The following MYOM1 variants were observed in gnomAD, a reference collection of about 807,000 sequenced individuals.
MYOM1 encodes myomesin-1.
MYOM1 carries 164 observed loss-of-function variants against 205.3 expected under a neutral mutation model. The observed-to-expected ratio is 0.80, with a 90% CI of 0.70 to 0.91. The LOEUF (loss-of-function observed/expected upper bound fraction) is 0.91, where lower values mean the gene tolerates loss of function less well. MYOM1 is among the 40% of genes least tolerant of loss of function. The pLI, the probability that MYOM1 is intolerant of heterozygous loss-of-function variation, is 0.00. For synonymous variants in MYOM1, 772 were observed against 789.4 expected, an observed-to-expected ratio of 0.98 and a Z score of 0.37; for missense variants, 2,011 against 2,127.3, an observed-to-expected ratio of 0.95 and a Z score of 1.08.
rs117574023 is a variant in MYOM1, at chr18:3,109,994, C to T, written c.3418+2304G>A. Among the ~76,000 whole-genome samples the T allele has an allele frequency of 6.8e-4, 103 of 152,180 alleles. 1 individual carries two copies. In the East Asian group the frequency reaches 0.015, roughly 23 times the overall value. On this transcript the variant is annotated intron_variant, in intron 22 of 37. Coordinates refer to ENST00000356443, the MANE Select transcript of MYOM1 (RefSeq NM_003803.4). ...AAGTGTGGCTCAGGACTAAAATGAA[C>T]TATTTGGAAATTAACTCATTTCATC...
intron 12 of MYOM1, among the ~76,000 whole-genome samples, chr18:3,149,437 G>C (rs756546817): frequency 3.3e-5 from 5 of 152,196 alleles, no homozygotes; most frequent in African/African-American, 7.2e-5. Context: ...TGGCTGAGTA[G>C]ATGTTTCTGG....
At chr18:3,220,572 G>A (rs1380072314), upstream of MYOM1, among the ~76,000 whole-genome samples, 1 of 152,186 alleles carries the variant, frequency 6.6e-6, no homozygotes, top group East Asian at 1.9e-4. Context: ...TCAGAGTAGG[G>A]TCAGTCCATC....
intron 2 of MYOM1, among the ~76,000 whole-genome samples, chr18:3,198,184 A>G (rs1157041317): frequency 1.3e-5 from 2 of 152,238 alleles, no homozygotes; most frequent in African/African-American, 2.4e-5. Flanking sequence ...AGGATGAATA[A>G]ATGTATTCAT....
intron 14 of MYOM1, among the ~76,000 whole-genome samples, chr18:3,140,825 T>G (rs1311977490): frequency 6.6e-6 from 1 of 152,212 alleles, no homozygotes; most frequent in African/African-American, 2.4e-5. Flanking sequence ...ACGATTTTGC[T>G]ATGAAACTAA....
rs369999119 is a variant in MYOM1 at position 3,188,912 on chromosome 18, T to C, written c.607A>G (p.Thr203Ala). Residue 203 changes from threonine to alanine, a missense_variant, in exon 4 of 38, where the codon ACA (threonine) becomes GCA (alanine). Thr to Ala is a moderately conservative substitution (Grantham distance 58). Transcript: ENST00000356443. ...SKQSTASKQSTASKQSTASRQ... is the reference protein window; with the variant it reads ...SKQSTASKQSAASKQSTASRQ... ...GATGCCGTGGACTGCTTGGATGCTGTGGACTGCTTGGATGCCGTGGACTGC... is the reference window on the plus strand; with the variant it reads ...GATGCCGTGGACTGCTTGGATGCTGCGGACTGCTTGGATGCCGTGGACTGC... 5.0e-6 allele frequency: 8 copies of C among 1,609,700 alleles called. No homozygotes were observed. Among genetic ancestry groups the C allele is most frequent in the Non-Finnish European group, 6.8e-6 (8 of 1,177,454 alleles).
rs911309985 is a variant in MYOM1, at chr18:3,094,393, AAC to A, written c.3728-89_3728-88del. ...TTCCATCAAGTGAAAAAAAAAAAAAAACCACACAATGGAAATGACAATGTAGC... is the reference window on the plus strand; with the variant it reads ...TTCCATCAAGTGAAAAAAAAAAAAAACACACAATGGAAATGACAATGTAGC... On this transcript the variant is annotated intron_variant, in intron 25 of 37. Coordinates refer to ENST00000356443, the MANE Select transcript of MYOM1 (RefSeq NM_003803.4). 5,858 of 1,172,802 alleles carry A rather than the reference AAC, an allele frequency of 5.0e-3. 5 individuals are homozygous for A. The highest frequency in any genetic ancestry group is 6.2e-3 in the East Asian group (228 of 36,994). The allele number at this position is 1,172,802 out of a possible 1,614,324, so 72.6% of individuals were successfully genotyped here.
chr18:3,100,097 A>G (rs1176492364), intron 25 of MYOM1, 62 bp downstream of exon 25: 21 of 1,525,550 alleles, frequency 1.4e-5, no homozygotes, highest in Non-Finnish European at 1.9e-5. Flanking sequence ...CATCTGATCT[A>G]TTCCAGAAGT....
chr18:3,137,674 G>A (rs1308584944), intron 14 of MYOM1, among the ~76,000 whole-genome samples: 1 of 152,146 alleles, frequency 6.6e-6, no homozygotes, highest in Admixed American at 6.5e-5. Context: ...AGGGTTGGGG[G>A]TGGTGGTGAA....
intron 13 of MYOM1, among the ~76,000 whole-genome samples, chr18:3,146,281 C>T (rs1371570959): frequency 6.6e-6 from 1 of 152,012 alleles, no homozygotes; most frequent in Non-Finnish European, 1.5e-5. Flanking sequence ...CAAAACCAAA[C>T]CAAGACTTTA....
intron 26 of MYOM1, among the ~76,000 whole-genome samples, chr18:3,091,959 T>G (rs956672310): frequency 6.6e-6 from 1 of 152,142 alleles, no homozygotes; most frequent in Non-Finnish European, 1.5e-5. Flanking sequence ...CTTGAAGTCC[T>G]GACCTCAAGT....
rs1292648039 is a variant in MYOM1, at chr18:3,085,129, A to G, written c.4255T>C (p.Ser1419Pro). ...GICTLLITEFSKKDAGIYEVI... is the reference protein window; with the variant it reads ...GICTLLITEFPKKDAGIYEVI... ...TCATAAATCCCAGCATCTTTCTTGGAAAACTAAGGGGGAATAGATATACCA... is the reference window on the plus strand; with the variant it reads ...TCATAAATCCCAGCATCTTTCTTGGGAAACTAAGGGGGAATAGATATACCA... Residue 1419 changes from serine (S) to proline (P), a missense_variant, in exon 31 of 38, where the codon TCC (serine) becomes CCC (proline). By Grantham distance (74) the Ser-to-Pro change is moderately conservative (BLOSUM62 -1). Coordinates refer to ENST00000356443, the MANE Select transcript of MYOM1 (RefSeq NM_003803.4). 1.9e-6 allele frequency: 3 copies of G among 1,603,762 alleles called. No individual in the cohort carries two copies. Among genetic ancestry groups the G allele is most frequent in the Admixed American group, 1.7e-5 (1 of 58,594 alleles).
Position 3,116,485 on chromosome 18 carries a change from A to G in MYOM1, c.3149T>C (p.Val1050Ala). Residue 1050 changes from valine to alanine, a missense_variant, in exon 21 of 38, where the codon GTC (valine) becomes GCC (alanine). Transcript: ENST00000356443. ...GPPHSLKCSE[V>A]RKDSLVLQWK... ...CTGGAGAACCAGTGAGTCTTTCCTGACTTCACTACACTTGAGACTGTGCGG... is the reference window on the plus strand; with the variant it reads ...CTGGAGAACCAGTGAGTCTTTCCTGGCTTCACTACACTTGAGACTGTGCGG... 6.2e-7 allele frequency: 1 copy of G among 1,602,498 alleles called. No homozygotes were observed. Among genetic ancestry groups the G allele is most frequent in the South Asian group, 1.1e-5 (1 of 89,398 alleles).
chr18:3,196,044 A>G (rs2080987594), intron 2 of MYOM1, among the ~76,000 whole-genome samples: 2 of 152,198 alleles, frequency 1.3e-5, no homozygotes, highest in Admixed American at 6.5e-5. Context: ...TATTATGCTA[A>G]TATTTCTTCA....
chr18:3,114,811 CGG>C (rs2079582046), intron 21 of MYOM1, among the ~76,000 whole-genome samples: 1 of 152,126 alleles, frequency 6.6e-6, no homozygotes, highest in Non-Finnish European at 1.5e-5. Flanking sequence ...ACTCTCCTTA[CGG>C]AAGTTCACTT....
chr18:3,136,649 G>T (rs187113425), intron 14 of MYOM1, among the ~76,000 whole-genome samples: 1 of 151,854 alleles, frequency 6.6e-6, no homozygotes, highest in Non-Finnish European at 1.5e-5. Context: ...GGCTGGTCTC[G>T]AACTCCTGGG....
At chr18:3,147,090 C>CATTATAGATAAATATAT (rs965932859) in intron 13 of MYOM1, among the ~76,000 whole-genome samples, 7 of 103,880 alleles carry the variant, frequency 6.7e-5, no homozygotes, top group Non-Finnish European at 1.1e-4. Context: ...AAATATTATA[C>CATTATAGATAAATATAT]ATTATAGATA....
chr18:3,228,846 C>T, the MYOM1 span, among the ~76,000 whole-genome samples: 1 of 152,276 alleles, frequency 6.6e-6, no homozygotes, highest in African/African-American at 2.4e-5. The surrounding 1 kb of genome is among the most constrained non-coding windows in gnomAD (Gnocchi z 4.5). Flanking sequence ...AAATGGAATC[C>T]TACCATATGT....
At chr18:3,149,540 G>C (rs2080186632) in intron 12 of MYOM1, among the ~76,000 whole-genome samples, 1 of 152,184 alleles carries the variant, frequency 6.6e-6, no homozygotes, top group Non-Finnish European at 1.5e-5. Flanking sequence ...CATCCCCTCT[G>C]AAGGATAGCA....
In MYOM1 at chr18:3,075,777, G is replaced by A. The variant is rs1473735710; in HGVS notation, c.4649-16C>T. The A allele has an allele frequency of 6.4e-6, 10 of 1,568,178 alleles. No homozygotes were observed. Among genetic ancestry groups the A allele is most frequent in the Middle Eastern group, 1.7e-4 (1 of 5,950 alleles). On this transcript the variant is annotated splice_polypyrimidine_tract_variant and intron_variant, in intron 34 of 37. Coordinates refer to ENST00000356443, the MANE Select transcript of MYOM1 (RefSeq NM_003803.4). Reference sequence around the variant, plus strand: ...TCATCGTATGCTTTAAAAGAAAAAAGAAAAGTTAGAATTTTCTCACCCAGA... The same window carrying A: ...TCATCGTATGCTTTAAAAGAAAAAAAAAAAGTTAGAATTTTCTCACCCAGA...
Sources: allele counts gnomAD v4.1 joint callset (sites outside exome capture counted in the v4.1 genomes callset), GRCh38; gene constraint gnomAD v4.1.1; non-coding constraint Gnocchi (gnomAD v3.1); transcripts MANE v1.5; gene names NCBI Gene and HGNC (gene_info 2026-07-23, HGNC 2026-07-21).